FUT9: variants seen among roughly 807,000 people sequenced by gnomAD.
FUT9 encodes 4-galactosyl-N-acetylglucosaminide 3-alpha-L-fucosyltransferase 9.
Under a neutral mutation model 29.7 loss-of-function variants are expected in FUT9, and 15 were observed. That is an observed-to-expected ratio of 0.51 (90% CI 0.34 to 0.78). The LOEUF is 0.78. FUT9 is among the 30% of genes least tolerant of loss of function. The pLI is 0.01. For synonymous variants in FUT9, 169 were observed against 153.7 expected (o/e 1.10, Z -0.74); for missense variants, 319 against 425.4 (o/e 0.75, Z 2.20).
At chr6:96,145,946 C>T (rs1339132634) in intron 2 of FUT9, among the ~76,000 whole-genome samples, 1 of 37,536 alleles carries the variant, frequency 2.7e-5, no homozygotes, top group African/African-American at 4.5e-5. Flanking sequence ...GCCTCAACCT[C>T]CCAGGTTGAG....
intron 1 of FUT9, among the ~76,000 whole-genome samples, chr6:96,038,424 G>A (rs757381085): frequency 5.3e-5 from 8 of 152,086 alleles, no homozygotes; most frequent in Non-Finnish European, 1.2e-4. Flanking sequence ...CTTCTTTGCC[G>A]TTATGCGTTA....
intron 1 of FUT9, among the ~76,000 whole-genome samples, chr6:96,077,260 A>G (rs1353245767): frequency 6.6e-6 from 1 of 152,056 alleles, no homozygotes; most frequent in African/African-American, 2.4e-5. Flanking sequence ...CTTTTACCCA[A>G]TCTCATAAAC....
Position 96,204,807 on chromosome 6 carries a change from T to C in FUT9, c.*572T>C, listed in dbSNP as rs1000632798. On this transcript the variant is annotated 3_prime_UTR_variant, in exon 3 of 3. Transcript: ENST00000302103. ...TTATTCATGGAGTGAATAAGAAAGA[T>C]ATGAAGCAGAACTGTTCTATTCGGG... is the stretch of plus-strand genomic sequence containing the variant. 1 of 166,652 alleles carries C rather than the reference T, an allele frequency of 6.0e-6. No homozygotes were observed. The highest frequency in any genetic ancestry group is 1.5e-5 in the Non-Finnish European group (1 of 68,082). The allele number at this position is 166,652 out of a possible 1,614,324, so 10.3% of individuals were successfully genotyped here.
chr6:96,112,903 A>G (rs560081839), intron 1 of FUT9, among the ~76,000 whole-genome samples: 1 of 152,190 alleles, frequency 6.6e-6, no homozygotes, highest in Non-Finnish European at 1.5e-5. Flanking sequence ...ATTGGGCAAA[A>G]CATCCAAATA....
chr6:96,131,550 G>T, intron 2 of FUT9, among the ~76,000 whole-genome samples: 1 of 152,080 alleles, frequency 6.6e-6, no homozygotes, highest in East Asian at 1.9e-4. Flanking sequence ...CTATCTCTGA[G>T]AAGAAAGTTT....
chr6:96,192,812 G>C (rs1287331911), intron 2 of FUT9, among the ~76,000 whole-genome samples: 3 of 152,128 alleles, frequency 2.0e-5, no homozygotes, highest in South Asian at 4.2e-4. Flanking sequence ...ATAATACAAG[G>C]CTACAGTAAA....
intron 2 of FUT9, among the ~76,000 whole-genome samples, chr6:96,133,888 C>G (rs142901630): frequency 1.3e-5 from 2 of 151,774 alleles, no homozygotes; most frequent in East Asian, 3.9e-4. Flanking sequence ...TTCTAACTAT[C>G]GAATAAGGAT....
intron 1 of FUT9, among the ~76,000 whole-genome samples, chr6:96,059,748 T>A (rs889147876): frequency 8.5e-5 from 13 of 152,324 alleles, no homozygotes; most frequent in African/African-American, 3.1e-4. Context: ...CCATAATATC[T>A]ACTCTGTACA....
At chr6:96,161,605 C>T (rs1772903571) in intron 2 of FUT9, among the ~76,000 whole-genome samples, 1 of 152,126 alleles carries the variant, frequency 6.6e-6, no homozygotes, top group Non-Finnish European at 1.5e-5. Flanking sequence ...AGGTGACTGC[C>T]TGAATGTGGA....
chr6:96,200,395 G>C (rs756429039), intron 2 of FUT9, among the ~76,000 whole-genome samples: 1 of 152,164 alleles, frequency 6.6e-6, no homozygotes, highest in Non-Finnish European at 1.5e-5. Context: ...GAAGGAAAGA[G>C]AGAGCACAAT....
intron 2 of FUT9, among the ~76,000 whole-genome samples, chr6:96,152,800 T>C (rs1355831674): frequency 2.0e-5 from 3 of 152,164 alleles, no homozygotes; most frequent in Non-Finnish European, 4.4e-5. Context: ...GTTGATAAAG[T>C]TGTAAATAGA....
intron 2 of FUT9, among the ~76,000 whole-genome samples, chr6:96,155,172 G>T (rs1330718353): frequency 6.6e-6 from 1 of 152,064 alleles, no homozygotes. Flanking sequence ...AAGCTTTATA[G>T]CAATTTTAAA....
At chr6:96,169,020 TA>T (rs1773064108) in intron 2 of FUT9, among the ~76,000 whole-genome samples, 1 of 152,100 alleles carries the variant, frequency 6.6e-6, no homozygotes, top group Non-Finnish European at 1.5e-5. Flanking sequence ...ATATGTGGAA[TA>T]AAAGTGGGTT....
rs1043456583 is a variant in FUT9, at chr6:96,107,381, C to T, written c.-97-6658C>T. On this transcript the variant is annotated intron_variant, in intron 1 of 2. Coordinates refer to ENST00000302103, the MANE Select transcript of FUT9 (RefSeq NM_006581.4). ...ATATGTACATTCTGCATTTTATTTACGATATACTGTCTCTCTATTTTAGAA... is the reference window on the plus strand; with the variant it reads ...ATATGTACATTCTGCATTTTATTTATGATATACTGTCTCTCTATTTTAGAA... 6.6e-5 allele frequency among the ~76,000 whole-genome samples: 10 copies of T among 152,164 alleles called. No homozygotes were observed. In the East Asian group the frequency reaches 7.7e-4, roughly 12 times the overall value.
At chr6:96,191,749 A>G (rs1773514461) in intron 2 of FUT9, among the ~76,000 whole-genome samples, 1 of 152,156 alleles carries the variant, frequency 6.6e-6, no homozygotes, top group African/African-American at 2.4e-5. Flanking sequence ...TTATCCTGAT[A>G]CCAAAGCCTG....
chr6:96,033,871 C>G (rs1238430167), intron 1 of FUT9, among the ~76,000 whole-genome samples: 1 of 151,362 alleles, frequency 6.6e-6, no homozygotes, highest in African/African-American at 2.4e-5. Flanking sequence ...CATATATATG[C>G]TTACATATAA....
At chr6:96,107,522 T>C (rs1446230274) in intron 1 of FUT9, among the ~76,000 whole-genome samples, 1 of 152,200 alleles carries the variant, frequency 6.6e-6, no homozygotes, top group Non-Finnish European at 1.5e-5. Flanking sequence ...TGTCCTGAAG[T>C]GTGCAAGTTT....
At chr6:96,145,657 G>T (rs1394547907) in intron 2 of FUT9, among the ~76,000 whole-genome samples, 2 of 152,136 alleles carry the variant, frequency 1.3e-5, no homozygotes, top group Non-Finnish European at 2.9e-5. Flanking sequence ...TGAATGAAGT[G>T]AAGGAGCTGA....
intron 1 of FUT9, among the ~76,000 whole-genome samples, chr6:96,017,442 G>T (rs1162698468): frequency 6.6e-6 from 1 of 152,126 alleles, no homozygotes; most frequent in Admixed American, 6.5e-5. Context: ...AGTTGTGTTC[G>T]ATGAATGAAT....
Sources: gnomAD v4.1 joint callset for allele counts (sites outside exome capture counted in the v4.1 genomes callset) on GRCh38, gnomAD v4.1.1 for gene constraint, MANE v1.5 for transcripts, NCBI Gene and HGNC (gene_info 2026-07-23, HGNC 2026-07-21) for gene names.